WDPCP: variants seen among roughly 807,000 people sequenced by gnomAD.
WDPCP encodes the protein WD repeat containing planar cell polarity effector.
Under a neutral mutation model 93.1 loss-of-function variants are expected in WDPCP, and 71 were observed. The ratio of observed to expected loss-of-function variants is 0.76; its 90% confidence interval spans 0.63 to 0.93. The LOEUF is 0.93. WDPCP is among the 40% of genes least tolerant of loss of function. WDPCP has a pLI of 0.00. For missense variants in WDPCP, 844 were observed against 887.4 expected (o/e 0.95, Z 0.62); for synonymous variants, 315 against 315.0 (o/e 1.00, Z 0.00).
At chr2:63,335,489 C>T (rs1355460948) in intron 12 of WDPCP, among the ~76,000 whole-genome samples, 1 of 150,618 alleles carries the variant, frequency 6.6e-6, no homozygotes, top group African/African-American at 2.5e-5. Flanking sequence ...AGTGGCACGA[C>T]CTCAGATCAG....
At chr2:63,588,659 C>T (rs888600959), upstream of WDPCP, 2 of 481,060 alleles carry the variant, frequency 4.2e-6, no homozygotes, top group East Asian at 4.1e-5. Flanking sequence ...CCTAGAGTTA[C>T]ACACGCTATC....
chr2:63,376,348 A>C (rs1420423780), intron 12 of WDPCP, among the ~76,000 whole-genome samples: 1 of 151,968 alleles, frequency 6.6e-6, no homozygotes, highest in African/African-American at 2.4e-5. Context: ...AATAATTTTG[A>C]TAACAATAAT....
chr2:63,372,648 A>G (rs1361013110), intron 12 of WDPCP, among the ~76,000 whole-genome samples: 1 of 152,158 alleles, frequency 6.6e-6, no homozygotes, highest in African/African-American at 2.4e-5. Context: ...TGCTTAATCT[A>G]TCAATTACTA....
At chr2:63,320,096 G>A (rs540154467) in intron 12 of WDPCP, among the ~76,000 whole-genome samples, 1 of 152,012 alleles carries the variant, frequency 6.6e-6, no homozygotes, top group Non-Finnish European at 1.5e-5. Context: ...TGAAAAGAAG[G>A]TTAAAAATTG....
chr2:63,690,408 G>A (rs1160644793), intron 2 of WDPCP, among the ~76,000 whole-genome samples: 1 of 152,108 alleles, frequency 6.6e-6, no homozygotes, highest in Non-Finnish European at 1.5e-5. Context: ...CACCATCCCA[G>A]TAAGTCCCAC....
intron 2 of WDPCP, among the ~76,000 whole-genome samples, chr2:63,688,376 G>A (rs1021806602): frequency 2.0e-5 from 3 of 151,698 alleles, no homozygotes; most frequent in Non-Finnish European, 4.4e-5. Flanking sequence ...GCAGTGAGCC[G>A]AGATCGCTCC....
At chr2:63,373,583 A>G (rs1332687014) in intron 12 of WDPCP, among the ~76,000 whole-genome samples, 1 of 151,370 alleles carries the variant, frequency 6.6e-6, no homozygotes, top group African/African-American at 2.4e-5. Flanking sequence ...ATGTCTTTAA[A>G]AAAAAAAAAA....
At chr2:63,313,886 A>ATGTGTGTGTATATATATATATATATTTTT in intron 12 of WDPCP, among the ~76,000 whole-genome samples, 3 of 74,502 alleles carry the variant, frequency 4.0e-5, no homozygotes, top group Non-Finnish European at 7.8e-5. Context: ...ATATATATAT[A>ATGTGTGTGTATATATATATATATATTTTT]TTTTTTTTTT....
At chr2:63,203,117 A>G (rs1348178427) in intron 14 of WDPCP, among the ~76,000 whole-genome samples, 3 of 152,126 alleles carry the variant, frequency 2.0e-5, no homozygotes, top group East Asian at 1.9e-4. Flanking sequence ...AGTTGCATTT[A>G]TATCAGTTGC....
chr2:63,512,387 C>G (rs749058845), intron 1 of WDPCP, among the ~76,000 whole-genome samples: 2 of 152,150 alleles, frequency 1.3e-5, no homozygotes, highest in Non-Finnish European at 2.9e-5. Context: ...AATCCCATTA[C>G]TGGATATATA....
chr2:63,450,777 T>C (rs550999497), intron 6 of WDPCP, among the ~76,000 whole-genome samples: 9 of 152,140 alleles, frequency 5.9e-5, no homozygotes, highest in Admixed American at 4.6e-4. Context: ...ACTATACTAC[T>C]GAACACACTC....
At chr2:63,227,159 G>A (rs1296268421) in intron 14 of WDPCP, among the ~76,000 whole-genome samples, 1 of 151,856 alleles carries the variant, frequency 6.6e-6, no homozygotes, top group African/African-American at 2.4e-5. Flanking sequence ...GATAAGCAAT[G>A]TTTTATCCTC....
chr2:63,560,029 G>A (rs564192416), intron 1 of WDPCP, among the ~76,000 whole-genome samples: 61 of 148,424 alleles, frequency 4.1e-4, no homozygotes, highest in Admixed American at 1.9e-3. Flanking sequence ...TCAGGAGTTC[G>A]AGACCAACCT....
chr2:63,220,764 G>A (rs1353369372), intron 14 of WDPCP, among the ~76,000 whole-genome samples: 2 of 152,068 alleles, frequency 1.3e-5, no homozygotes, highest in Admixed American at 1.3e-4. Context: ...TGTTACATAG[G>A]TAAACATGTG....
intron 2 of WDPCP, chr2:63,684,836 C>A: frequency 3.1e-6 from 1 of 324,908 alleles, no homozygotes; most frequent in Non-Finnish European, 5.9e-6. Flanking sequence ...GGAAACTATA[C>A]AATCACATGG....
chr2:63,470,483 G>A (rs932690683), intron 6 of WDPCP, among the ~76,000 whole-genome samples: 2 of 151,860 alleles, frequency 1.3e-5, no homozygotes, highest in Non-Finnish European at 2.9e-5. Flanking sequence ...TTGATCCATC[G>A]GCAAATTCTG....
intron 1 of WDPCP, among the ~76,000 whole-genome samples, chr2:63,555,724 T>G (rs1706061972): frequency 6.6e-6 from 1 of 151,604 alleles, no homozygotes; most frequent in Admixed American, 6.6e-5. Flanking sequence ...GAGTCTGGAG[T>G]GGACCCCCAG....
intron 17 of WDPCP, among the ~76,000 whole-genome samples, chr2:63,147,568 G>A (rs1313415722): frequency 6.6e-6 from 1 of 152,150 alleles, no homozygotes; most frequent in Non-Finnish European, 1.5e-5. Flanking sequence ...CTTTATCCAT[G>A]CATTTTTGCC....
intron 12 of WDPCP, among the ~76,000 whole-genome samples, chr2:63,354,413 C>T (rs1396477895): frequency 6.6e-6 from 1 of 152,176 alleles, no homozygotes; most frequent in African/African-American, 2.4e-5. Context: ...CTTAAGTAGG[C>T]ACCCCAGGAG....
Sources: gnomAD v4.1 joint callset for allele counts (sites outside exome capture counted in the v4.1 genomes callset) on GRCh38, gnomAD v4.1.1 for gene constraint, MANE v1.5 for transcripts, NCBI Gene and HGNC (gene_info 2026-07-23, HGNC 2026-07-21) for gene names.